POLE: variants seen among roughly 807,000 people sequenced by gnomAD.
The protein encoded by POLE is DNA polymerase epsilon, catalytic subunit, also known as DNA polymerase epsilon catalytic subunit A.
In POLE, 188 loss-of-function variants were observed where a neutral mutation model predicts 279.2. That is an observed-to-expected ratio of 0.67 (90% CI 0.60 to 0.76). POLE has a LOEUF of 0.76. Ranked by LOEUF, POLE falls within the 30% of genes least tolerant of loss-of-function variation. The pLI, the probability that POLE is intolerant of heterozygous loss-of-function variation, is 0.00. For synonymous variants in POLE, 1,214 were observed against 1,172.5 expected, an observed-to-expected ratio of 1.04 and a Z score of -0.72; for missense variants, 2,703 against 3,016.7, an observed-to-expected ratio of 0.90 and a Z score of 2.44.
At position 132,668,966 on chromosome 12, in the gene POLE, G is replaced by C. The variant is rs776669903; in HGVS notation, c.1795-27C>G. The C allele has an allele frequency of 3.1e-6, 5 of 1,607,456 alleles. No homozygotes were observed. Among genetic ancestry groups the C allele is most frequent in the Non-Finnish European group, 4.3e-6 (5 of 1,174,918 alleles). On this transcript the variant is annotated intron_variant, in intron 16 of 48. Transcript: ENST00000320574. The surrounding 1 kb of genome is among the most constrained non-coding windows in gnomAD (Gnocchi z 4.0). The stretch of plus-strand genomic sequence containing the variant: ...TGCAGAGAAAGCGAAACTCAGTAGA[G>C]GCTGGTGACCAAGCTTGCCTCGTGT...
In POLE at chr12:132,657,250, G is replaced by T; in HGVS notation, c.3468C>A (p.Asn1156Lys). 6.2e-7 allele frequency: 1 copy of T among 1,613,988 alleles called. No homozygotes were observed. The highest frequency in any genetic ancestry group is 8.5e-7 in the Non-Finnish European group (1 of 1,180,008). The change falls in exon 29 of 49, where the codon AAC becomes AAA. Residue 1156 changes from asparagine to lysine, a missense_variant. Around this residue, in one of 5 missense-constraint regions of POLE, gnomAD observed 1,551 missense variants for 1,686.1 expected, o/e 0.92. Coordinates refer to ENST00000320574, the MANE Select transcript of POLE (RefSeq NM_006231.4). ...CGGGGTGTTTGACACGTGGCACTGG[G>T]TTCTTTACCTGTGTGAGGCCAACAC... ...TIPAALQQVK[N>K]PVPRVKHPDW...
chr12:132,670,695 G>GT (rs1273057818), intron 16 of POLE, among the ~76,000 whole-genome samples: 29 of 151,826 alleles, frequency 1.9e-4, no homozygotes, highest in Non-Finnish European at 2.9e-5. Context: ...GGGTTTCACC[G>GT]TGTTAGCCAG....
At position 132,653,096 on chromosome 12, in the gene POLE, T is replaced by C. The variant is rs766004647; in HGVS notation, c.3583-3207A>G. 2.6e-5 allele frequency among the ~76,000 whole-genome samples: 4 copies of C among 152,200 alleles called. No homozygotes were observed. In the South Asian group the frequency reaches 6.2e-4, roughly 24 times the overall value. On this transcript the variant is annotated intron_variant, in intron 29 of 48. Coordinates refer to ENST00000320574, the MANE Select transcript of POLE (RefSeq NM_006231.4). The stretch of plus-strand genomic sequence containing the variant: ...TTTATATGTTCAATAAAGTTGTGTA[T>C]AGGCCAGGCATGGTGGCTCACACCT...
At position 132,676,099 on chromosome 12, in the gene POLE, C is replaced by T. The variant is rs149029910; in HGVS notation, c.1015G>A (p.Asp339Asn). 7.4e-5 allele frequency: 118 copies of T among 1,598,432 alleles called. No homozygotes were observed. In the African/African-American group the frequency reaches 1.3e-3, roughly 18 times the overall value. The change falls in exon 10 of 49, where the codon GAT becomes AAT. Residue 339 changes from aspartate to asparagine, a missense_variant. Asp to Asn is a conservative substitution (Grantham distance 23). Around this residue, in one of 5 missense-constraint regions of POLE, gnomAD observed 1,011 missense variants for 1,111.7 expected, o/e 0.91. Coordinates refer to ENST00000320574, the MANE Select transcript of POLE (RefSeq NM_006231.4). ...CCCAAGTGATACCTCCTTACCTCAT[C>T]GGGTTCATTGAAGACACAAAAGGGG... is the stretch of plus-strand genomic sequence containing the variant. Reference protein sequence around the residue: ...EGPFCVFNEPDEAHLIQRWFE... With the variant: ...EGPFCVFNEPNEAHLIQRWFE...
Position 132,649,298 on chromosome 12 carries a change from G to A in POLE, c.4005+8C>T, listed in dbSNP as rs762723589. 1 of 1,613,142 alleles carries A rather than the reference G, an allele frequency of 6.2e-7. No individual in the cohort carries two copies. The highest frequency in any genetic ancestry group is 8.5e-7 in the Non-Finnish European group (1 of 1,179,612). On this transcript the variant is annotated splice_region_variant and intron_variant, in intron 31 of 48. Coordinates refer to ENST00000320574, the MANE Select transcript of POLE (RefSeq NM_006231.4). ...GCCACTGCCCTCCCCTTGGATCAAG[G>A]TCTATACCTGCACAATCTGCCACGG...
Position 132,668,776 on chromosome 12 carries a change from G to A in POLE, c.1923+35C>T. ...GAAAGCACTTAGGGCTGGGCAGAGA[G>A]AGCTCCGACTCTGACACGGGAAGTA... On this transcript the variant is annotated intron_variant, in intron 17 of 48. Coordinates refer to ENST00000320574, the MANE Select transcript of POLE (RefSeq NM_006231.4). This position sits in a 1 kb window ranked among gnomAD's most constrained non-coding sequence, Gnocchi z 4.0. 6.2e-7 allele frequency: 1 copy of A among 1,613,864 alleles called. No homozygotes were observed. Among genetic ancestry groups the A allele is most frequent in the Non-Finnish European group, 8.5e-7 (1 of 1,179,710 alleles).
Position 132,659,318 on chromosome 12 carries a change from G to C in POLE, c.3252C>G (p.Pro1084=), listed in dbSNP as rs556962209. The C allele has an allele frequency of 1.2e-6, 2 of 1,611,746 alleles. No individual in the cohort carries two copies. Among genetic ancestry groups the C allele is most frequent in the African/African-American group, 1.4e-5 (1 of 72,926 alleles). Residue 1084 remains proline, a synonymous_variant, in exon 26 of 49, where the codon CCC becomes CCG. Coordinates refer to ENST00000320574, the MANE Select transcript of POLE (RefSeq NM_006231.4). ...LSCRYIISRK[P]EGSPVTERAI... The stretch of plus-strand genomic sequence containing the variant: ...ACCTCTCCGTGACAGGGGAGCCCTC[G>C]GGCTTGCGGGAGATGATGTAGCGGC...
rs1425186494 is a variant in POLE, at chr12:132,668,321, C to A, written c.2173+35G>T. On this transcript the variant is annotated intron_variant, in intron 19 of 48. Transcript: ENST00000320574. The surrounding 1 kb of genome is among the most constrained non-coding windows in gnomAD (Gnocchi z 4.0). ...GAACAGAAAGTGGGAGCAGGAGCCA[C>A]ATCTTTACAGCCGTGACCATGCCCA... is the stretch of plus-strand genomic sequence containing the variant. 6.6e-7 allele frequency: 1 copy of A among 1,519,100 alleles called. No individual in the cohort carries two copies. The allele number at this position is 1,519,100 out of a possible 1,614,324, so 94.1% of individuals were successfully genotyped here.
intron 23 of POLE, among the ~76,000 whole-genome samples, chr12:132,662,650 G>A (rs1197925063): frequency 6.6e-6 from 1 of 152,162 alleles, no homozygotes; most frequent in Non-Finnish European, 1.5e-5. Context: ...TCTTCTCGGA[G>A]AACTGGCTGA....
intron 29 of POLE, among the ~76,000 whole-genome samples, chr12:132,655,957 G>GT (rs2042523850): frequency 6.6e-6 from 1 of 152,054 alleles, no homozygotes; most frequent in Non-Finnish European, 1.5e-5. Context: ...GAGGTCAGGA[G>GT]TTTGAGACCA....
chr12:132,640,159 C>T (rs5744957), intron 39 of POLE, among the ~76,000 whole-genome samples: 2 of 152,220 alleles, frequency 1.3e-5, no homozygotes, highest in Admixed American at 1.3e-4. Flanking sequence ...CCCTCACACG[C>T]CTAGCTGCCC....
Position 132,642,741 on chromosome 12 carries a change from C to T in POLE, c.4729-12G>A, listed in dbSNP as rs765204902. 1.9e-6 allele frequency: 3 copies of T among 1,613,346 alleles called. No individual in the cohort carries two copies. Among genetic ancestry groups the T allele is most frequent in the Non-Finnish European group, 2.5e-6 (3 of 1,179,770 alleles). On this transcript the variant is annotated splice_polypyrimidine_tract_variant and intron_variant, in intron 36 of 48. Coordinates refer to ENST00000320574, the MANE Select transcript of POLE (RefSeq NM_006231.4). ...CCCCGGCGCTCCTCCTGGGTCAAGG[C>T]AAAATGGAAGAAAAGACCTGGGTGG... is the stretch of plus-strand genomic sequence containing the variant.
In POLE at chr12:132,641,618, G is replaced by A. The variant is rs779396939; in HGVS notation, c.5378+29C>T. On this transcript the variant is annotated intron_variant, in intron 39 of 48. Coordinates refer to ENST00000320574, the MANE Select transcript of POLE (RefSeq NM_006231.4). ...GGCAAAGGATAAGACCCTTCTATTA[G>A]TAACACTCCTTCCCAGAGAGGGTGG... 1.1e-5 allele frequency: 17 copies of A among 1,586,844 alleles called. No individual in the cohort carries two copies. The South Asian group carries it at 1.2e-4, about 11-fold the overall frequency.
At chr12:132,659,589 C>A in intron 25 of POLE, 80 bp from the exon 26 acceptor site, 4 of 1,199,960 alleles carry the variant, frequency 3.3e-6, no homozygotes, top group Non-Finnish European at 3.6e-6. Flanking sequence ...CTCCTCTAGG[C>A]CATGCCCTTC....
chr12:132,655,840 C>T (rs2042520125), intron 29 of POLE, among the ~76,000 whole-genome samples: 1 of 152,038 alleles, frequency 6.6e-6, no homozygotes, highest in Non-Finnish European at 1.5e-5. Flanking sequence ...TTTCCTGCGT[C>T]CTATCTTTTC....
At chr12:132,637,258 A>C (rs2042052395) in intron 41 of POLE, among the ~76,000 whole-genome samples, 1 of 152,180 alleles carries the variant, frequency 6.6e-6, no homozygotes, top group Non-Finnish European at 1.5e-5. Flanking sequence ...GCCTATTATC[A>C]ATTTAGTGTC....
intron 26 of POLE, chr12:132,658,790 C>G (rs1015890409): frequency 6.3e-6 from 1 of 158,964 alleles, no homozygotes; most frequent in African/African-American, 2.4e-5. Flanking sequence ...CCAACCTATT[C>G]CCTCCTCACA....
rs2042862981 is a variant in POLE at position 132,668,947 on chromosome 12, G to A, written c.1795-8C>T. 1.9e-6 allele frequency: 3 copies of A among 1,613,258 alleles called. No individual in the cohort carries two copies. Among genetic ancestry groups the A allele is most frequent in the Admixed American group, 3.3e-5 (2 of 59,966 alleles). ...CTTAATCTCATCACACACCTGCAGAGAAAGCGAAACTCAGTAGAGGCTGGT... is the reference window on the plus strand; with the variant it reads ...CTTAATCTCATCACACACCTGCAGAAAAAGCGAAACTCAGTAGAGGCTGGT... On this transcript the variant is annotated splice_polypyrimidine_tract_variant and splice_region_variant and intron_variant, in intron 16 of 48. Transcript: ENST00000320574. The surrounding 1 kb of genome is among the most constrained non-coding windows in gnomAD (Gnocchi z 4.0).
Position 132,664,589 on chromosome 12 carries a change from G to C in POLE, c.2469-127C>G. 1 of 720,472 alleles carries C rather than the reference G, an allele frequency of 1.4e-6. No homozygotes were observed. The highest frequency in any genetic ancestry group is 1.6e-5 in the South Asian group (1 of 64,300). 44.6% of individuals were successfully genotyped at this position (720,472 alleles called of 1,614,324 possible). On this transcript the variant is annotated intron_variant, in intron 21 of 48. Coordinates refer to ENST00000320574, the MANE Select transcript of POLE (RefSeq NM_006231.4). The surrounding 1 kb of genome is among the most constrained non-coding windows in gnomAD (Gnocchi z 5.3). ...GGACAAGGGAAGCAGCCAAATGTGC[G>C]TGCACCAGGACAGAACTAAGGTGGA...
Sources: gnomAD v4.1 joint callset for allele counts (sites outside exome capture counted in the v4.1 genomes callset) on GRCh38, gnomAD v4.1.1 for gene constraint, gnomAD v4.1.1 regional missense constraint, Gnocchi (gnomAD v3.1) non-coding constraint, MANE v1.5 for transcripts, NCBI Gene and HGNC (gene_info 2026-07-23, HGNC 2026-07-21) for gene names.